DLGAP2: variants seen among roughly 807,000 people sequenced by gnomAD.
DLGAP2 encodes the protein disks large-associated protein 2.
DLGAP2 carries 26 observed loss-of-function variants against 100.3 expected under a neutral mutation model. The ratio of observed to expected loss-of-function variants is 0.26; its 90% CI spans 0.19 to 0.36. The LOEUF (loss-of-function observed/expected upper bound fraction) is 0.36, where lower values mean the gene tolerates loss of function less well. Among genes scored for constraint, DLGAP2 ranks in the 10% least tolerant of loss-of-function variants. The pLI, the probability that DLGAP2 is intolerant of heterozygous loss-of-function variation, is 1.00. For missense variants in DLGAP2, 1,858 were observed against 1,453.2 expected (o/e 1.28, Z -4.53); for synonymous variants, 886 against 630.1 (o/e 1.41, Z -6.08).
Position 1,287,160 on chromosome 8 carries a change from G to GCGCA in DLGAP2, c.106+28280_106+28281insACGC, listed in dbSNP as rs1554434585. Among the ~76,000 whole-genome samples the GCGCA allele has an allele frequency of 6.5e-3, 841 of 130,114 alleles. 15 individuals are homozygous for GCGCA. The highest frequency in any genetic ancestry group is 0.013 in the Middle Eastern group (3 of 236). 85.4% of individuals were successfully genotyped at this position (130,114 alleles called of 152,430 possible). A position where few individuals can be genotyped will look rare whatever the true frequency, so the allele number is the denominator to read the frequency against. On this transcript the variant is annotated intron_variant, in intron 3 of 14. Coordinates refer to ENST00000637795, the MANE Select transcript of DLGAP2 (RefSeq NM_001346810.2). ...TGTGTGTGTGTGTGTGTGTGTGTGC[G>GCGCA]CGCGCGCGCGTGGTTCTGTTAGGAG...
rs563119546 is a variant in DLGAP2 at position 1,234,273 on chromosome 8, G to A, written c.74-24578G>A. ...CCAGCACAGGAATGCACGTCTCACC[G>A]CTCTGGAGGCCACGGGTCTGAAATC... is the stretch of plus-strand genomic sequence containing the variant. On this transcript the variant is annotated intron_variant, in intron 2 of 14. Transcript: ENST00000637795. 3.2e-4 allele frequency among the ~76,000 whole-genome samples: 49 copies of A among 152,240 alleles called. 2 individuals are homozygous for A. Among genetic ancestry groups the A allele is most frequent in the South Asian group, 2.1e-3 (10 of 4,820 alleles).
intron 3 of DLGAP2, among the ~76,000 whole-genome samples, chr8:1,290,721 C>G (rs917065788): frequency 6.6e-6 from 1 of 152,198 alleles, no homozygotes; most frequent in African/African-American, 2.4e-5. Context: ...ATACATTTTA[C>G]ATTCCAGACA....
chr8:1,362,390 T>C (rs1185000325), intron 3 of DLGAP2, among the ~76,000 whole-genome samples: 1 of 151,982 alleles, frequency 6.6e-6, no homozygotes, highest in Non-Finnish European at 1.5e-5. Context: ...CATCTTCCCA[T>C]GTCCCATGCG....
At chr8:1,439,445 C>T (rs569240419) in intron 3 of DLGAP2, among the ~76,000 whole-genome samples, 1 of 152,258 alleles carries the variant, frequency 6.6e-6, no homozygotes, top group African/African-American at 2.4e-5. Flanking sequence ...CGGGAGCCCA[C>T]GCAGCAGGAC....
At chr8:786,618 CG>C (rs1335543669) in intron 1 of DLGAP2, among the ~76,000 whole-genome samples, 2 of 151,938 alleles carry the variant, frequency 1.3e-5, no homozygotes, top group Admixed American at 6.6e-5. Context: ...AGCGGCTCTT[CG>C]GGAGAGACGG....
At chr8:781,633 G>T (rs1169050509) in intron 1 of DLGAP2, among the ~76,000 whole-genome samples, 1 of 152,122 alleles carries the variant, frequency 6.6e-6, no homozygotes, top group Non-Finnish European at 1.5e-5. Flanking sequence ...ATTAACACAA[G>T]AGGACAAAGA....
intron 6 of DLGAP2, among the ~76,000 whole-genome samples, chr8:1,603,251 G>A (rs1796686237): frequency 6.6e-6 from 1 of 151,238 alleles, no homozygotes; most frequent in African/African-American, 2.4e-5. Context: ...ACAGAGGCTG[G>A]TTAGAGTGGA....
At chr8:1,446,856 T>G (rs1228788780) in intron 3 of DLGAP2, among the ~76,000 whole-genome samples, 1 of 152,246 alleles carries the variant, frequency 6.6e-6, no homozygotes, top group East Asian at 1.9e-4. Context: ...TTGAAGCAAT[T>G]ATGAATGGGA....
intron 2 of DLGAP2, among the ~76,000 whole-genome samples, chr8:1,123,383 TAC>T (rs889834551): frequency 2.6e-5 from 4 of 152,230 alleles, no homozygotes; most frequent in African/African-American, 9.6e-5. Context: ...GCTTAGTAGG[TAC>T]AGCCTCCACC....
chr8:1,491,651 C>T (rs1406296745), intron 3 of DLGAP2, among the ~76,000 whole-genome samples: 1 of 152,174 alleles, frequency 6.6e-6, no homozygotes, highest in Non-Finnish European at 1.5e-5. Flanking sequence ...AGATCTGAAA[C>T]AGGTTGTAGA....
intron 3 of DLGAP2, among the ~76,000 whole-genome samples, chr8:1,323,420 G>T (rs554508420): frequency 6.6e-6 from 1 of 152,334 alleles, no homozygotes; most frequent in East Asian, 1.9e-4. Flanking sequence ...CTTTGAGTCT[G>T]GGTGGCCCCG....
chr8:1,320,947 G>A (rs374998596), intron 3 of DLGAP2, among the ~76,000 whole-genome samples: 2 of 152,192 alleles, frequency 1.3e-5, no homozygotes, highest in East Asian at 1.9e-4. Flanking sequence ...ACATGTATCT[G>A]TGTGTGTGCA....
chr8:857,588 G>C (rs73181058), intron 1 of DLGAP2, among the ~76,000 whole-genome samples: 3,287 of 152,286 alleles, frequency 0.022, 48 homozygotes, highest in Admixed American at 0.038. Context: ...TCCATGTCAT[G>C]TGTCATCAGG....
At chr8:1,515,480 A>G (rs896419561) in intron 4 of DLGAP2, among the ~76,000 whole-genome samples, 3 of 152,156 alleles carry the variant, frequency 2.0e-5, no homozygotes, top group Admixed American at 6.5e-5. Flanking sequence ...ACATGCAAAA[A>G]TATGCAGACA....
intron 2 of DLGAP2, among the ~76,000 whole-genome samples, chr8:1,088,634 C>T (rs1192342251): frequency 2.0e-5 from 3 of 152,040 alleles, no homozygotes; most frequent in Non-Finnish European, 4.4e-5. Flanking sequence ...TTACTTGCTC[C>T]CACCACCCCA....
At position 759,088 on chromosome 8, in the gene DLGAP2, TCCTGTTATCAATACC is replaced by T. The variant is rs1563415501; in HGVS notation, c.18+21266_18+21280del. Among the ~76,000 whole-genome samples, 92 of 33,552 alleles carry T rather than the reference TCCTGTTATCAATACC, an allele frequency of 2.7e-3. 3 individuals carry two copies. The highest frequency in any genetic ancestry group is 6.2e-3 in the Admixed American group (13 of 2,098). 22.0% of individuals were successfully genotyped at this position (33,552 alleles called of 152,430 possible). On this transcript the variant is annotated intron_variant, in intron 1 of 14. Transcript: ENST00000637795. ...CCATTATCAATACCCCCCACAGCCT[TCCTGTTATCAATACC>T]CCCGACAGCCTTCCCATTATCAATA...
chr8:798,339 G>C (rs542721137), intron 1 of DLGAP2, among the ~76,000 whole-genome samples: 1 of 143,080 alleles, frequency 7.0e-6, no homozygotes, highest in East Asian at 2.1e-4. Flanking sequence ...GAAAGCAAAC[G>C]CTTGTTGAGT....
intron 2 of DLGAP2, among the ~76,000 whole-genome samples, chr8:1,053,557 G>A (rs1008388845): frequency 3.9e-5 from 6 of 152,096 alleles, no homozygotes; most frequent in Admixed American, 2.0e-4. Context: ...AGAGACAGAC[G>A]CGTGAGTGAT....
chr8:818,861 T>C (rs560322145), intron 1 of DLGAP2, among the ~76,000 whole-genome samples: 2 of 152,336 alleles, frequency 1.3e-5, no homozygotes, highest in South Asian at 2.1e-4. Context: ...AATGATTTGT[T>C]TTCTTGGTGA....
Sources: gnomAD v4.1 joint callset for allele counts (sites outside exome capture counted in the v4.1 genomes callset) on GRCh38, gnomAD v4.1.1 for gene constraint, MANE v1.5 for transcripts, NCBI Gene and HGNC (gene_info 2026-07-23, HGNC 2026-07-21) for gene names.